The following RIMS2 variants were observed in gnomAD, a reference collection of about 807,000 sequenced individuals.
The protein encoded by RIMS2 is regulating synaptic membrane exocytosis 2.
In RIMS2, 59 loss-of-function variants were observed where a neutral mutation model predicts 174.4. The ratio of observed to expected loss-of-function variants is 0.34; its 90% CI spans 0.27 to 0.42. RIMS2 has a LOEUF of 0.42. Ranked by LOEUF, RIMS2 falls within the 10% of genes least tolerant of loss-of-function variation. The probability of loss-of-function intolerance (pLI) is 1.00; values close to 1 mark genes in which losing one functional copy is unlikely to be tolerated. For missense variants in RIMS2, 1,620 were observed against 1,666.3 expected (o/e 0.97, Z 0.48); for synonymous variants, 606 against 572.5 (o/e 1.06, Z -0.84).
At chr8:104,216,662 G>GTT (rs1182574976) in intron 19 of RIMS2, among the ~76,000 whole-genome samples, 1 of 152,180 alleles carries the variant, frequency 6.6e-6, no homozygotes. Flanking sequence ...GATTGTGTGT[G>GTT]TATTAAATGA....
chr8:103,841,260 A>G (rs570708775), intron 3 of RIMS2, among the ~76,000 whole-genome samples: 13 of 152,342 alleles, frequency 8.5e-5, no homozygotes, highest in Non-Finnish European at 1.6e-4. Flanking sequence ...ATATCCAGAA[A>G]TAATAAATGC....
chr8:104,119,848 A>G (rs2098343521), intron 19 of RIMS2, among the ~76,000 whole-genome samples: 1 of 152,216 alleles, frequency 6.6e-6, no homozygotes, highest in South Asian at 2.1e-4. Context: ...TTCAAAAGGG[A>G]CACATCTTGT....
At chr8:103,993,039 G>A (rs538449995) in intron 17 of RIMS2, among the ~76,000 whole-genome samples, 1 of 152,242 alleles carries the variant, frequency 6.6e-6, no homozygotes, top group South Asian at 2.1e-4. Context: ...GCTTGAACCC[G>A]AGTGGCAGAG....
intron 16 of RIMS2, among the ~76,000 whole-genome samples, chr8:103,979,765 G>C (rs1180869724): frequency 6.6e-6 from 1 of 152,182 alleles, no homozygotes; most frequent in Admixed American, 6.5e-5. Flanking sequence ...TGGAGAGTCT[G>C]TGCATTTGGG....
intron 1 of RIMS2, among the ~76,000 whole-genome samples, chr8:103,623,764 C>T (rs922057858): frequency 6.9e-4 from 104 of 151,724 alleles, no homozygotes; most frequent in African/African-American, 2.5e-3. Flanking sequence ...GCTGGGATTA[C>T]AGGCGTGAGC....
intron 2 of RIMS2, among the ~76,000 whole-genome samples, chr8:103,754,742 G>A (rs2097955951): frequency 6.6e-6 from 1 of 152,032 alleles, no homozygotes; most frequent in African/African-American, 2.4e-5. Flanking sequence ...TCAGAGACTA[G>A]GATTATAACC....
At chr8:103,876,869 TATATA>T (rs2099141335) in intron 3 of RIMS2, among the ~76,000 whole-genome samples, 1 of 18,010 alleles carries the variant, frequency 5.6e-5, no homozygotes, top group African/African-American at 3.6e-4. Flanking sequence ...CTATTTTATA[TATATA>T]TATATATATA....
At chr8:104,209,307 G>A (rs564594381) in intron 19 of RIMS2, among the ~76,000 whole-genome samples, 4 of 152,284 alleles carry the variant, frequency 2.6e-5, no homozygotes, top group Admixed American at 2.6e-4. Context: ...GCTAATAATG[G>A]AAATAGACTC....
At chr8:104,185,405 AG>A (rs1331331401) in intron 19 of RIMS2, among the ~76,000 whole-genome samples, 1 of 151,624 alleles carries the variant, frequency 6.6e-6, no homozygotes. Context: ...AAGGGCCAAA[AG>A]TGTTCACCTT....
At position 103,652,711 on chromosome 8, in the gene RIMS2, G is replaced by C. The variant is rs775815429; in HGVS notation, c.177-44375G>C. ...AACAAAATGAAAAGGAGCCCCAGAC[G>C]TAAGTAAGCTGATCTATATAGACTA... is the stretch of plus-strand genomic sequence containing the variant. On this transcript the variant is annotated intron_variant, in intron 1 of 23. Transcript: ENST00000504942. 2.2e-6 allele frequency: 3 copies of C among 1,341,360 alleles called. No individual in the cohort carries two copies. Among genetic ancestry groups the C allele is most frequent in the Admixed American group, 1.9e-5 (1 of 51,952 alleles). The allele number at this position is 1,341,360 out of a possible 1,614,324, so 83.1% of individuals were successfully genotyped here.
intron 17 of RIMS2, among the ~76,000 whole-genome samples, chr8:104,012,136 C>T (rs1011825228): frequency 2.0e-5 from 3 of 151,722 alleles, no homozygotes; most frequent in Non-Finnish European, 2.9e-5. Context: ...AAATACTAAA[C>T]TTAGAAAGTA....
chr8:104,115,236 G>A (rs116008660), intron 19 of RIMS2, among the ~76,000 whole-genome samples: 1,756 of 152,088 alleles, frequency 0.012, 39 homozygotes, highest in African/African-American at 0.039. Flanking sequence ...TCAATGAGGC[G>A]TTTTGTTCAT....
At chr8:103,585,914 T>C (rs1439135492) in intron 1 of RIMS2, among the ~76,000 whole-genome samples, 1 of 138,818 alleles carries the variant, frequency 7.2e-6, no homozygotes, top group Non-Finnish European at 1.6e-5. Flanking sequence ...ATTGCATCAA[T>C]CATTAAAAAA....
In RIMS2 at chr8:103,812,331, G is replaced by GTTTTTTTTTTTTTTT. The variant is rs71575985; in HGVS notation, c.698+45803_698+45817dup. Among the ~76,000 whole-genome samples, 108 of 111,580 alleles carry GTTTTTTTTTTTTTTT rather than the reference G, an allele frequency of 9.7e-4. 1 individual carries two copies. The highest frequency in any genetic ancestry group is 1.3e-3 in the African/African-American group (40 of 30,496). The allele number at this position is 111,580 out of a possible 152,430, so 73.2% of individuals were successfully genotyped here. ...GGTCAAATTATTACCTTATTACCTTGTTTTTTTTTTTTTTTTTTTTTTTGT... is the reference window on the plus strand; with the variant it reads ...GGTCAAATTATTACCTTATTACCTTGTTTTTTTTTTTTTTTTTTTTTTTTTTTTTTTTTTTTTTGT... On this transcript the variant is annotated intron_variant, in intron 3 of 23. Transcript: ENST00000504942.
At chr8:103,740,918 T>C (rs192331912) in intron 2 of RIMS2, among the ~76,000 whole-genome samples, 2 of 152,252 alleles carry the variant, frequency 1.3e-5, no homozygotes, top group African/African-American at 4.8e-5. Context: ...TTCACAGCAG[T>C]TTATCCACAT....
chr8:103,508,153 A>G (rs938335878), intron 1 of RIMS2, among the ~76,000 whole-genome samples: 8 of 152,120 alleles, frequency 5.3e-5, no homozygotes. Context: ...CTAGTCACCT[A>G]ATGAAATACA....
chr8:103,769,522 C>T (rs1042385271), intron 3 of RIMS2, among the ~76,000 whole-genome samples: 1 of 152,142 alleles, frequency 6.6e-6, no homozygotes, highest in African/African-American at 2.4e-5. Context: ...GACAGGGTCT[C>T]ACCATGTTGG....
At chr8:103,533,709 T>G (rs1346958902) in intron 1 of RIMS2, among the ~76,000 whole-genome samples, 1 of 138,906 alleles carries the variant, frequency 7.2e-6, no homozygotes. Flanking sequence ...TGATAAAAGA[T>G]AAAAATAATG....
At chr8:104,172,404 G>T (rs1319026245) in intron 19 of RIMS2, among the ~76,000 whole-genome samples, 2 of 152,230 alleles carry the variant, frequency 1.3e-5, no homozygotes, top group Non-Finnish European at 2.9e-5. Context: ...GGCTGGCAAA[G>T]TATGGGCTAC....
Sources: gnomAD v4.1 joint callset for allele counts (sites outside exome capture counted in the v4.1 genomes callset) on GRCh38, gnomAD v4.1.1 for gene constraint, MANE v1.5 for transcripts, NCBI Gene and HGNC (gene_info 2026-07-23, HGNC 2026-07-21) for gene names.